Variants in SAMSN1 observed in about 807,000 individuals in gnomAD.
SAMSN1 encodes SAM domain-containing protein SAMSN-1.
SAMSN1 carries 31 observed loss-of-function variants against 42.0 expected under a neutral mutation model. The ratio of observed to expected loss-of-function variants is 0.74; its 90% CI spans 0.55 to 1.00. SAMSN1 has a LOEUF of 1.00. SAMSN1 is among the 50% of genes least tolerant of loss of function. SAMSN1 has a pLI of 0.00. For missense variants in SAMSN1, 464 were observed against 439.4 expected, an observed-to-expected ratio of 1.06 and a Z score of -0.50; for synonymous variants, 178 against 151.9, an observed-to-expected ratio of 1.17 and a Z score of -1.26.
intron 5 of SAMSN1, among the ~76,000 whole-genome samples, chr21:14,504,060 ACT>A (rs1987294554): frequency 6.6e-6 from 1 of 152,192 alleles, no homozygotes; most frequent in African/African-American, 2.4e-5. Flanking sequence ...GGGGGAGAGT[ACT>A]ACATCAAGGG....
At chr21:14,626,887 T>G (rs910723708) in intron 2 of SAMSN1, among the ~76,000 whole-genome samples, 2 of 152,096 alleles carry the variant, frequency 1.3e-5, no homozygotes, top group African/African-American at 2.4e-5. Context: ...CAAATGTCCA[T>G]CAATGATAGA....
intron 4 of SAMSN1, among the ~76,000 whole-genome samples, chr21:14,610,050 A>C (rs1982664798): frequency 6.6e-6 from 1 of 152,318 alleles, no homozygotes; most frequent in Admixed American, 6.5e-5. Flanking sequence ...GTGTTTGAAC[A>C]ATATCAAATC....
chr21:14,649,772 A>AACACACACACATACAC (rs1287085554), intron 1 of SAMSN1, among the ~76,000 whole-genome samples: 59 of 135,752 alleles, frequency 4.3e-4, no homozygotes, highest in African/African-American at 1.5e-3. Flanking sequence ...ACTGTCTCAA[A>AACACACACACATACAC]ACACACACAC....
chr21:14,545,351 T>C (rs1330591393), intron 1 of SAMSN1, among the ~76,000 whole-genome samples: 3 of 152,074 alleles, frequency 2.0e-5, no homozygotes, highest in Non-Finnish European at 4.4e-5. Flanking sequence ...AAATCAATCC[T>C]TAAAAAAAAT....
rs576102980 is a variant in SAMSN1, at chr21:14,646,612, A to T, written c.25-3479T>A. Reference sequence around the variant, plus strand: ...CTGGTAATAGTAAGTACACAGACATATACAGAATATTATAACACTGTAACT... The same window carrying T: ...CTGGTAATAGTAAGTACACAGACATTTACAGAATATTATAACACTGTAACT... On this transcript the variant is annotated intron_variant, in intron 1 of 15. Coordinates refer to the SAMSN1 transcript ENST00000647101. Among the ~76,000 whole-genome samples, 9 of 152,308 alleles carry T rather than the reference A, an allele frequency of 5.9e-5. No individual in the cohort carries two copies. In the South Asian group the frequency reaches 1.2e-3, roughly 21 times the overall value.
chr21:14,527,491 C>T (rs897845412), intron 1 of SAMSN1, among the ~76,000 whole-genome samples: 10 of 152,304 alleles, frequency 6.6e-5, no homozygotes, highest in African/African-American at 2.4e-4. Context: ...ACCCAAAGCT[C>T]AAACATATAC....
intron 2 of SAMSN1, among the ~76,000 whole-genome samples, chr21:14,563,438 T>C (rs1981010028): frequency 6.6e-6 from 1 of 152,226 alleles, no homozygotes; most frequent in Non-Finnish European, 1.5e-5. Context: ...TGAAAAACTT[T>C]TGTGTACACA....
At chr21:14,643,525 C>A (rs553537038) in intron 1 of SAMSN1, among the ~76,000 whole-genome samples, 1 of 152,136 alleles carries the variant, frequency 6.6e-6, no homozygotes, top group Non-Finnish European at 1.5e-5. Flanking sequence ...CTAATTGGTA[C>A]CACCTCCCTT....
At chr21:14,508,193 A>G (rs1423916789) in intron 5 of SAMSN1, among the ~76,000 whole-genome samples, 1 of 152,252 alleles carries the variant, frequency 6.6e-6, no homozygotes, top group East Asian at 1.9e-4. Context: ...CAATAAAAAC[A>G]AAGTTAAATT....
intron 5 of SAMSN1, chr21:14,602,216 G>A (rs74827382): frequency 0.014 from 4,955 of 352,454 alleles, 65 homozygotes; most frequent in South Asian, 0.074. Context: ...CATTGGCTAC[G>A]TCAAAAATAT....
chr21:14,624,807 G>T (rs184782551), intron 2 of SAMSN1, among the ~76,000 whole-genome samples: 6 of 152,142 alleles, frequency 3.9e-5, no homozygotes, highest in African/African-American at 7.2e-5. Context: ...TACCAAAGCC[G>T]GGAAGAGACA....
chr21:14,599,855 C>A (rs1047325282), intron 6 of SAMSN1, among the ~76,000 whole-genome samples: 30 of 152,164 alleles, frequency 2.0e-4, no homozygotes, highest in African/African-American at 7.0e-4. Context: ...TCAAGTATTT[C>A]TTTATTTTGT....
At chr21:14,635,351 T>A (rs1246709018) in intron 2 of SAMSN1, among the ~76,000 whole-genome samples, 1 of 151,942 alleles carries the variant, frequency 6.6e-6, no homozygotes, top group Non-Finnish European at 1.5e-5. Context: ...GTGAAAAAAA[T>A]TTAAAAGGAA....
chr21:14,628,766 C>G (rs1046003731), intron 2 of SAMSN1, among the ~76,000 whole-genome samples: 18 of 152,128 alleles, frequency 1.2e-4, no homozygotes, highest in African/African-American at 4.3e-4. Flanking sequence ...AAAATCCTAT[C>G]CTTTTTGTGA....
At chr21:14,507,137 AAGG>A (rs1987449937) in intron 5 of SAMSN1, among the ~76,000 whole-genome samples, 4 of 152,210 alleles carry the variant, frequency 2.6e-5, no homozygotes, top group Non-Finnish European at 5.9e-5. Flanking sequence ...GGAACAAGAT[AAGG>A]ATACCCACTC....
At chr21:14,546,952 G>A (rs1159331192), upstream of SAMSN1, among the ~76,000 whole-genome samples, 5 of 151,886 alleles carry the variant, frequency 3.3e-5, no homozygotes, top group Non-Finnish European at 5.9e-5. Flanking sequence ...CTCGTGATCC[G>A]CCCACCTCAG....
chr21:14,557,204 G>C (rs1316221213), intron 2 of SAMSN1, among the ~76,000 whole-genome samples: 2 of 152,040 alleles, frequency 1.3e-5, no homozygotes, highest in African/African-American at 4.8e-5. Context: ...GAGTGATGTA[G>C]AGTTGAGTTC....
At chr21:14,490,018 C>T (rs1430122236) in intron 7 of SAMSN1, among the ~76,000 whole-genome samples, 2 of 151,920 alleles carry the variant, frequency 1.3e-5, no homozygotes, top group South Asian at 2.1e-4. Flanking sequence ...AGAAATCTGC[C>T]CCACCTTTAC....
chr21:14,486,011 A>G lies in SAMSN1; in HGVS notation c.1023T>C (p.Tyr341=), dbSNP rs1287853139. ...CATTATCTGAATTTCCTGATGAGAT[A>G]TAGCAACCAGAGTCCCTTGGGCAGT... ...LDDCPRDSGC[Y]ISSGNSDNGK... The change falls in exon 8 of 8, where the codon TAT becomes TAC. Residue 341 remains tyrosine (Y), a synonymous_variant. Coordinates refer to ENST00000400566, the MANE Select transcript of SAMSN1 (RefSeq NM_022136.5). The G allele has an allele frequency of 3.1e-6, 5 of 1,613,774 alleles. No individual in the cohort carries two copies. Among genetic ancestry groups the G allele is most frequent in the East Asian group, 2.2e-5 (1 of 44,864 alleles).
Sources: gnomAD v4.1 joint callset for allele counts (sites outside exome capture counted in the v4.1 genomes callset) on GRCh38, gnomAD v4.1.1 for gene constraint, MANE v1.5 for transcripts, NCBI Gene and HGNC (gene_info 2026-07-23, HGNC 2026-07-21) for gene names.